Variants in NLK observed in about 807,000 individuals in gnomAD.
The protein encoded by NLK is serine/threonine-protein kinase NLK.
Under a neutral mutation model 59.0 loss-of-function variants are expected in NLK, and 11 were observed. The ratio of observed to expected loss-of-function variants is 0.19; its 90% CI spans 0.12 to 0.31. The LOEUF (loss-of-function observed/expected upper bound fraction) is 0.31, where lower values mean the gene tolerates loss of function less well. NLK is among the 10% of genes least tolerant of loss of function. NLK has a pLI of 1.00. For missense variants in NLK, 410 were observed against 661.1 expected (o/e 0.62, Z 4.16); for synonymous variants, 235 against 235.9 (o/e 1.00, Z 0.03).
chr17:28,156,405 A>G (rs978508924), intron 3 of NLK, among the ~76,000 whole-genome samples: 6 of 152,204 alleles, frequency 3.9e-5, no homozygotes, highest in Non-Finnish European at 8.8e-5. Flanking sequence ...ACCTAATAAA[A>G]TTAGCTAATT....
chr17:28,048,388 GAC>G (rs1909134947), intron 1 of NLK: 1 of 155,252 alleles, frequency 6.4e-6, no homozygotes, highest in Non-Finnish European at 1.4e-5. Flanking sequence ...TAGAAAAAAA[GAC>G]AGTTTTTTTT....
At chr17:28,080,883 T>C (rs183613462) in intron 1 of NLK, among the ~76,000 whole-genome samples, 2 of 152,268 alleles carry the variant, frequency 1.3e-5, no homozygotes, top group East Asian at 3.9e-4. Context: ...TCAGTTTAGC[T>C]TTCAGATCTG....
At chr17:28,185,800 A>G (rs1002968447) in intron 8 of NLK, among the ~76,000 whole-genome samples, 4 of 152,126 alleles carry the variant, frequency 2.6e-5, no homozygotes, top group Admixed American at 2.6e-4. Flanking sequence ...AGCCCCGCAA[A>G]GTGCTGGGAT....
intron 1 of NLK, among the ~76,000 whole-genome samples, chr17:28,108,529 T>A (rs1275694720): frequency 6.6e-6 from 1 of 152,108 alleles, no homozygotes; most frequent in Non-Finnish European, 1.5e-5. Context: ...AGGTTGCAAA[T>A]TTTAAGTTAA....
intron 1 of NLK, among the ~76,000 whole-genome samples, chr17:28,060,749 GTAA>G (rs1279557364): frequency 6.6e-6 from 1 of 152,178 alleles, no homozygotes. Context: ...ATATTTTAAA[GTAA>G]TAATCCTAGT....
chr17:28,181,314 G>A (rs1462111039), intron 7 of NLK, among the ~76,000 whole-genome samples: 2 of 152,014 alleles, frequency 1.3e-5, no homozygotes, highest in African/African-American at 2.4e-5. Context: ...CAGGAGAATC[G>A]CTTCAACCTG....
intron 3 of NLK, among the ~76,000 whole-genome samples, chr17:28,137,158 T>C (rs1453497352): frequency 1.3e-5 from 2 of 152,170 alleles, no homozygotes; most frequent in African/African-American, 4.8e-5. Flanking sequence ...TTTAGATGTT[T>C]TTTAATTTGG....
At chr17:28,062,227 C>T (rs980529460) in intron 1 of NLK, among the ~76,000 whole-genome samples, 7 of 152,074 alleles carry the variant, frequency 4.6e-5, no homozygotes, top group African/African-American at 1.4e-4. Flanking sequence ...ATGGTGACTC[C>T]ATAGTCCTCA....
chr17:28,203,143 G>T, the NLK span, among the ~76,000 whole-genome samples: 3 of 141,788 alleles, frequency 2.1e-5, no homozygotes, highest in African/African-American at 8.8e-5. Flanking sequence ...GTATGTGTGT[G>T]TATGAATGTA....
At chr17:28,114,733 G>A (rs1034273470) in intron 1 of NLK, among the ~76,000 whole-genome samples, 30 of 152,136 alleles carry the variant, frequency 2.0e-4, no homozygotes, top group Middle Eastern at 3.2e-3. Flanking sequence ...TGTGTATAGT[G>A]TGGAGTAGGT....
chr17:28,186,401 T>C (rs1399834084), intron 8 of NLK, among the ~76,000 whole-genome samples: 1 of 152,226 alleles, frequency 6.6e-6, no homozygotes, highest in Non-Finnish European at 1.5e-5. Flanking sequence ...CAGGGTACAA[T>C]TTAGATTGCT....
chr17:28,203,833 G>C, the NLK span, among the ~76,000 whole-genome samples: 1 of 152,174 alleles, frequency 6.6e-6, no homozygotes, highest in Admixed American at 6.5e-5. Flanking sequence ...CACTGCGCCC[G>C]GCCCTGTTGA....
intron 1 of NLK, among the ~76,000 whole-genome samples, chr17:28,118,893 C>G (rs868220009): frequency 1.3e-5 from 2 of 152,152 alleles, no homozygotes; most frequent in South Asian, 2.1e-4. Flanking sequence ...GTAAGTAAAA[C>G]TTCACTGTTT....
intron 1 of NLK, among the ~76,000 whole-genome samples, chr17:28,117,518 A>G (rs536221524): frequency 6.6e-6 from 1 of 152,294 alleles, no homozygotes; most frequent in South Asian, 2.1e-4. Context: ...TTTTTAGTTC[A>G]TTAAACACAG....
At chr17:28,128,746 A>G (rs1340951132) in intron 2 of NLK, among the ~76,000 whole-genome samples, 1 of 152,242 alleles carries the variant, frequency 6.6e-6, no homozygotes, top group African/African-American at 2.4e-5. Context: ...AAAACTGGCA[A>G]TTTGTACTAA....
At chr17:28,092,781 TATTTTA>T (rs1453806097) in intron 1 of NLK, among the ~76,000 whole-genome samples, 1 of 149,488 alleles carries the variant, frequency 6.7e-6, no homozygotes, top group East Asian at 1.9e-4. Flanking sequence ...TATTTTATTT[TATTTTA>T]TTTTATTTTA....
intron 3 of NLK, among the ~76,000 whole-genome samples, chr17:28,150,773 G>C (rs563021208): frequency 6.6e-6 from 1 of 152,232 alleles, no homozygotes; most frequent in Non-Finnish European, 1.5e-5. Context: ...TTTTATAGTA[G>C]GGCTGTTCAA....
At chr17:28,177,638 A>G (rs1221192062) in intron 7 of NLK, among the ~76,000 whole-genome samples, 1 of 152,372 alleles carries the variant, frequency 6.6e-6, no homozygotes, top group East Asian at 1.9e-4. Context: ...GTCCAGGCCT[A>G]CATTCTATTA....
rs142493358 is a variant in NLK at position 28,092,309 on chromosome 17, A to G, written c.459-30294A>G. Among the ~76,000 whole-genome samples, 1,005 of 152,066 alleles carry G rather than the reference A, an allele frequency of 6.6e-3. 18 individuals are homozygous for G. The highest frequency in any genetic ancestry group is 0.023 in the African/African-American group (939 of 41,380). On this transcript the variant is annotated intron_variant, in intron 1 of 10. Transcript: ENST00000407008. ...GAAAGGTAAGGAAAGCCTACTCAGC[A>G]TTTTCATTTGTCTTCCAAAAAGAAT... is the stretch of plus-strand genomic sequence containing the variant.
Sources: allele counts gnomAD v4.1 joint callset (sites outside exome capture counted in the v4.1 genomes callset), GRCh38; gene constraint gnomAD v4.1.1; transcripts MANE v1.5; gene names NCBI Gene and HGNC (gene_info 2026-07-23, HGNC 2026-07-21).